PDS5A: variants seen among roughly 807,000 people sequenced by gnomAD.
The protein encoded by PDS5A is PDS5 cohesin associated factor A, also known as sister chromatid cohesion protein PDS5 homolog A.
In PDS5A, 42 loss-of-function variants were observed where a neutral mutation model predicts 167.1. The ratio of observed to expected loss-of-function variants is 0.25; its 90% CI spans 0.20 to 0.33. The LOEUF is 0.33. PDS5A is among the 10% of genes least tolerant of loss of function. PDS5A has a pLI of 1.00. For synonymous variants in PDS5A, 553 were observed against 554.6 expected (o/e 1.00, Z 0.04); for missense variants, 1,033 against 1,605.9 (o/e 0.64, Z 6.10).
intron 26 of PDS5A, among the ~76,000 whole-genome samples, chr4:39,859,280 A>C (rs1052571591): frequency 7.2e-5 from 11 of 152,156 alleles, no homozygotes; most frequent in South Asian, 6.2e-4. Flanking sequence ...AAAACTTAAA[A>C]AAACAAACAA....
intron 17 of PDS5A, among the ~76,000 whole-genome samples, chr4:39,889,099 G>A (rs1721745252): frequency 6.6e-6 from 1 of 152,188 alleles, no homozygotes; most frequent in South Asian, 2.1e-4. Context: ...TGTATTTAGA[G>A]ATAGGGCCTT....
At chr4:39,866,450 A>G (rs186279974) in intron 23 of PDS5A, among the ~76,000 whole-genome samples, 19 of 152,180 alleles carry the variant, frequency 1.2e-4, no homozygotes, top group African/African-American at 4.6e-4. Flanking sequence ...CATGGGACTC[A>G]AGTCACTCCA....
chr4:39,898,959 A>C (rs1375788934), intron 14 of PDS5A, 134 bp from the exon 15 acceptor site: 1 of 610,044 alleles, frequency 1.6e-6, no homozygotes, highest in African/African-American at 1.9e-5. Context: ...TGCTCAATGG[A>C]AAATGGTTTT....
chr4:39,977,000 T>G (rs1188882517), intron 1 of PDS5A, among the ~76,000 whole-genome samples: 1 of 151,922 alleles, frequency 6.6e-6, no homozygotes. Flanking sequence ...GCCAGTCCCC[T>G]CCGGGAAACC....
At chr4:39,958,150 C>T (rs1729141677) in intron 2 of PDS5A, among the ~76,000 whole-genome samples, 1 of 152,072 alleles carries the variant, frequency 6.6e-6, no homozygotes, top group Admixed American at 6.6e-5. Flanking sequence ...CCTTTGCCTC[C>T]CAAAGTGCTG....
In PDS5A at chr4:39,824,897, A is replaced by G. The variant is rs1311555483; in HGVS notation, c.*588T>C. The G allele has an allele frequency of 6.5e-6, 1 of 152,686 alleles. No homozygotes were observed. Among genetic ancestry groups the G allele is most frequent in the Non-Finnish European group, 1.5e-5 (1 of 68,048 alleles). The allele number at this position is 152,686 out of a possible 1,614,324, so 9.5% of individuals were successfully genotyped here. A position where few individuals can be genotyped will look rare whatever the true frequency, so the allele number is the denominator to read the frequency against. ...ACCACATCACTTTTCATAGCAGGGA[A>G]CCGAAATCTGTACATCTCATTTTTG... On this transcript the variant is annotated 3_prime_UTR_variant, in exon 33 of 33. Transcript: ENST00000303538.
chr4:39,935,202 G>A (rs1474769522), intron 2 of PDS5A, among the ~76,000 whole-genome samples: 3 of 152,120 alleles, frequency 2.0e-5, no homozygotes, highest in Non-Finnish European at 2.9e-5. Context: ...CACAATCTCG[G>A]CTCAATGCAA....
Position 39,873,028 on chromosome 4 carries a change from T to C in PDS5A, c.2394A>G (p.Val798=). 6.5e-7 allele frequency: 1 copy of C among 1,532,450 alleles called. No homozygotes were observed. The highest frequency in any genetic ancestry group is 8.9e-7 in the Non-Finnish European group (1 of 1,125,988). The allele number at this position is 1,532,450 out of a possible 1,614,324, so 94.9% of individuals were successfully genotyped here. ...PDQFASPMKS[V]VANFIVKDLL... ...GATCTTTCACAATAAAATTTGCTAC[T>C]ACAGATTTCATTGGGGAAGCAAACT... The change falls in exon 21 of 33, where the codon GTA becomes GTG. Residue 798 remains valine, a synonymous_variant. Coordinates refer to ENST00000303538, the MANE Select transcript of PDS5A (RefSeq NM_001100399.2).
rs527745895 is a variant in PDS5A at position 39,844,725 on chromosome 4, G to A, written c.3479C>T (p.Thr1160Ile). The change falls in exon 30 of 33, where the codon ACT (threonine) becomes ATT (isoleucine). Residue 1160 changes from threonine (T) to isoleucine (I), a missense_variant. Thr to Ile is a moderately conservative substitution (Grantham distance 89). Coordinates refer to ENST00000303538, the MANE Select transcript of PDS5A (RefSeq NM_001100399.2). ...ATGRKPYVRS[T>I]GTETGSNINV... ...AATATTGCTTCCAGTCTCAGTGCCA[G>A]TGCTTCTAACATAGGGTTTCCTTCC... The A allele has an allele frequency of 6.2e-7, 1 of 1,613,498 alleles. No individual in the cohort carries two copies. Among genetic ancestry groups the A allele is most frequent in the South Asian group, 1.1e-5 (1 of 91,060 alleles).
chr4:39,927,822 T>C, intron 3 of PDS5A, 139 bp downstream of exon 3: 1 of 624,910 alleles, frequency 1.6e-6, no homozygotes. Context: ...ATGAATAATT[T>C]TGCAACTTAC....
chr4:39,945,421 A>T (rs545044798), intron 2 of PDS5A, among the ~76,000 whole-genome samples: 1 of 145,696 alleles, frequency 6.9e-6, no homozygotes, highest in Admixed American at 7.2e-5. Flanking sequence ...AGATCACGCC[A>T]TTGCACTCCA....
chr4:39,891,182 C>T (rs564803618), intron 16 of PDS5A, among the ~76,000 whole-genome samples: 3 of 151,408 alleles, frequency 2.0e-5, no homozygotes, highest in East Asian at 2.0e-4. Flanking sequence ...TAAACATGCA[C>T]GCCACCATGC....
chr4:39,917,336 T>A (rs1724484464), intron 7 of PDS5A, 148 bp from the exon 8 acceptor site: 1 of 491,944 alleles, frequency 2.0e-6, no homozygotes, highest in Non-Finnish European at 3.5e-6. Flanking sequence ...TGATTACTAA[T>A]ATATAATAGG....
intron 5 of PDS5A, 58 bp from the exon 6 acceptor site, chr4:39,922,806 G>C: frequency 7.4e-7 from 1 of 1,354,698 alleles, no homozygotes. Flanking sequence ...GAGAATTCAA[G>C]CTTCTAATAG....
Position 39,904,138 on chromosome 4 carries a change from G to C in PDS5A, c.1287C>G (p.Tyr429Ter). ...MMGLAQLYKK[Y>*]CLHGEAGKEA... The stretch of plus-strand genomic sequence containing the variant: ...CCTTTCCTGCTTCACCATGAAGACA[G>C]TATTTCTTATAAAGCTGAGCCAGAC... Residue 429 changes from tyrosine (Y) to a stop codon, truncating the protein, a stop_gained, in exon 12 of 33, where the codon TAC (tyrosine) becomes TAG (stop). Coordinates refer to ENST00000303538, the MANE Select transcript of PDS5A (RefSeq NM_001100399.2). LOFTEE classifies it high-confidence loss of function. 1 of 1,611,994 alleles carries C rather than the reference G, an allele frequency of 6.2e-7. No homozygotes were observed. The highest frequency in any genetic ancestry group is 8.5e-7 in the Non-Finnish European group (1 of 1,178,472).
At chr4:39,831,018 T>C (rs775868809) in intron 32 of PDS5A, among the ~76,000 whole-genome samples, 1 of 152,232 alleles carries the variant, frequency 6.6e-6, no homozygotes, top group Admixed American at 6.5e-5. Context: ...TACATAGCCC[T>C]TTATACCTGG....
intron 2 of PDS5A, among the ~76,000 whole-genome samples, chr4:39,935,159 TCTCA>T (rs1448782387): frequency 6.6e-6 from 1 of 152,196 alleles, no homozygotes; most frequent in African/African-American, 2.4e-5. Flanking sequence ...TGGGACGGAG[TCTCA>T]CTCTGTTGCC....
rs1263538548 is a variant in PDS5A at position 39,823,999 on chromosome 4, T to C, written c.*1486A>G. 6.6e-6 allele frequency: 1 copy of C among 151,042 alleles called. No homozygotes were observed. The highest frequency in any genetic ancestry group is 1.5e-5 in the Non-Finnish European group (1 of 67,254). 9.4% of individuals were successfully genotyped at this position (151,042 alleles called of 1,614,324 possible). A position where few individuals can be genotyped will look rare whatever the true frequency, so the allele number is the denominator to read the frequency against. ...TCAAGACGAAGTTATAACACAAATGTTGTTTCCTCTGACCCATGCTAGAAA... is the reference window on the plus strand; with the variant it reads ...TCAAGACGAAGTTATAACACAAATGCTGTTTCCTCTGACCCATGCTAGAAA... On this transcript the variant is annotated 3_prime_UTR_variant, in exon 33 of 33. Coordinates refer to ENST00000303538, the MANE Select transcript of PDS5A (RefSeq NM_001100399.2).
chr4:39,938,997 A>G (rs1041934137), intron 2 of PDS5A, among the ~76,000 whole-genome samples: 2 of 152,050 alleles, frequency 1.3e-5, no homozygotes, highest in African/African-American at 4.8e-5. Context: ...ACAAAACTCA[A>G]ACATAACACT....
Sources: allele counts gnomAD v4.1 joint callset (sites outside exome capture counted in the v4.1 genomes callset), GRCh38; gene constraint gnomAD v4.1.1; transcripts MANE v1.5; gene names NCBI Gene and HGNC (gene_info 2026-07-23, HGNC 2026-07-21).